Variants in USP32 observed in about 807,000 individuals in gnomAD.
USP32 encodes ubiquitin carboxyl-terminal hydrolase 32.
In USP32, 59 loss-of-function variants were observed where a neutral mutation model predicts 204.8. The observed-to-expected ratio is 0.29, with a 90% CI of 0.23 to 0.36. The LOEUF is 0.36. USP32 is among the 10% of genes least tolerant of loss of function. The pLI, the probability that USP32 is intolerant of heterozygous loss-of-function variation, is 1.00. For synonymous variants in USP32, 517 were observed against 678.4 expected (o/e 0.76, Z 3.70); for missense variants, 1,160 against 1,946.4 (o/e 0.60, Z 7.60).
chr17:60,208,526 T>C, intron 23 of USP32, 128 bp downstream of exon 23: 1 of 1,323,908 alleles, frequency 7.6e-7, no homozygotes, highest in East Asian at 2.9e-5. Context: ...TAAAATTAGG[T>C]TGCTCAATTA....
At chr17:60,417,958 CTTTT>C (rs770082982) in intron 1 of USP32, among the ~76,000 whole-genome samples, 1 of 112,750 alleles carries the variant, frequency 8.9e-6, no homozygotes. Flanking sequence ...TCCGGCTAAT[CTTTT>C]TTTTTTTTTT....
chr17:60,179,992 T>C (rs1197051008), intron 33 of USP32, among the ~76,000 whole-genome samples: 1 of 150,218 alleles, frequency 6.7e-6, no homozygotes, highest in Admixed American at 6.6e-5. Context: ...ATTCTAACAG[T>C]CTAGAAGATA....
chr17:60,307,249 A>G (rs1188118982), intron 2 of USP32, among the ~76,000 whole-genome samples: 1 of 151,912 alleles, frequency 6.6e-6, no homozygotes, highest in Non-Finnish European at 1.5e-5. Flanking sequence ...ACAGGCACGC[A>G]CCACAATACC....
chr17:60,377,370 G>T (rs1167311366), intron 1 of USP32, among the ~76,000 whole-genome samples: 1 of 152,056 alleles, frequency 6.6e-6, no homozygotes, highest in Non-Finnish European at 1.5e-5. Context: ...TACAAAAGCA[G>T]AAGATTTTAA....
chr17:60,287,511 A>G (rs2087146734), intron 5 of USP32, among the ~76,000 whole-genome samples: 1 of 152,160 alleles, frequency 6.6e-6, no homozygotes, highest in Admixed American at 6.5e-5. Context: ...TTAATGCCCT[A>G]TAAATGTCTT....
intron 5 of USP32, among the ~76,000 whole-genome samples, chr17:60,276,104 C>T (rs1038976197): frequency 1.1e-4 from 17 of 152,080 alleles, no homozygotes; most frequent in Middle Eastern, 3.4e-3. Flanking sequence ...AACGGCTGGG[C>T]GTGGTGGCTC....
At chr17:60,369,423 T>TAAAAA (rs11348474) in intron 1 of USP32, among the ~76,000 whole-genome samples, 1 of 85,118 alleles carries the variant, frequency 1.2e-5, no homozygotes, top group African/African-American at 3.7e-5. Context: ...GACCCCTACC[T>TAAAAA]AAAAAAAAAA....
intron 1 of USP32, among the ~76,000 whole-genome samples, chr17:60,373,404 ATT>A (rs1040295544): frequency 6.6e-6 from 1 of 150,444 alleles, no homozygotes; most frequent in Non-Finnish European, 1.5e-5. Flanking sequence ...AAATTTACTA[ATT>A]TTTTCTTCAA....
chr17:60,392,034 G>A lies in USP32; in HGVS notation c.-95C>T. 2.1e-6 allele frequency: 3 copies of A among 1,434,896 alleles called. No individual in the cohort carries two copies. The highest frequency in any genetic ancestry group is 2.5e-5 in the South Asian group (2 of 79,024). 88.9% of individuals were successfully genotyped at this position (1,434,896 alleles called of 1,614,324 possible). ...GGCGTCCCTGGGTGACGGTGACGGT[G>A]TCGGCGTCCCCCGCCCCCACCTCCC... On this transcript the variant is annotated 5_prime_UTR_variant, in exon 1 of 34. Coordinates refer to ENST00000300896, the MANE Select transcript of USP32 (RefSeq NM_032582.4).
chr17:60,349,597 ATATATAT>A (rs1160745655), intron 1 of USP32, among the ~76,000 whole-genome samples: 7 of 38,538 alleles, frequency 1.8e-4, no homozygotes, highest in Non-Finnish European at 2.7e-4. Context: ...AAAAAAAAAA[ATATATAT>A]ATATATATAT....
intron 2 of USP32, among the ~76,000 whole-genome samples, chr17:60,320,651 A>G (rs1277143181): frequency 6.6e-6 from 1 of 152,222 alleles, no homozygotes; most frequent in Non-Finnish European, 1.5e-5. Flanking sequence ...TCAACATTAT[A>G]ATGAAAAACA....
chr17:60,292,394 G>C (rs1291322532), intron 4 of USP32, among the ~76,000 whole-genome samples: 5 of 152,060 alleles, frequency 3.3e-5, no homozygotes, highest in Non-Finnish European at 7.4e-5. Flanking sequence ...AACTCCACTT[G>C]AGTGTCTAAT....
intron 11 of USP32, among the ~76,000 whole-genome samples, chr17:60,237,330 A>T (rs1225421354): frequency 3.4e-5 from 5 of 145,548 alleles, no homozygotes; most frequent in Non-Finnish European, 7.5e-5. Context: ...TTTTTTAACT[A>T]GAGACAAGGT....
intron 2 of USP32, among the ~76,000 whole-genome samples, chr17:60,308,916 A>T (rs1365217645): frequency 6.6e-6 from 1 of 152,212 alleles, no homozygotes; most frequent in Non-Finnish European, 1.5e-5. Context: ...TGACAGAGCA[A>T]GACTCTGTCT....
intron 3 of USP32, among the ~76,000 whole-genome samples, chr17:60,297,445 T>C: frequency 7.2e-6 from 1 of 139,508 alleles, no homozygotes; most frequent in Non-Finnish European, 1.5e-5. Flanking sequence ...GTTTTTCCTT[T>C]TCTTTTTTTT....
chr17:60,392,351 C>T (rs762948613), upstream of USP32: 10 of 276,942 alleles, frequency 3.6e-5, no homozygotes, highest in Non-Finnish European at 7.1e-5. Context: ...CGCGCAGGAG[C>T]GCCGGGGAGG....
At chr17:60,279,703 G>A (rs2086920879) in intron 5 of USP32, among the ~76,000 whole-genome samples, 1 of 151,338 alleles carries the variant, frequency 6.6e-6, no homozygotes, top group Non-Finnish European at 1.5e-5. Flanking sequence ...CAGGCCTGGT[G>A]GTGTGCGCCT....
intron 2 of USP32, among the ~76,000 whole-genome samples, chr17:60,333,607 AAAAT>A (rs564666435): frequency 3.3e-4 from 50 of 152,108 alleles, no homozygotes; most frequent in Non-Finnish European, 6.3e-4. Context: ...TCAAAAACAA[AAAAT>A]AAATAAATAA....
At chr17:60,204,030 A>G (rs1236719921) in intron 26 of USP32, among the ~76,000 whole-genome samples, 2 of 152,224 alleles carry the variant, frequency 1.3e-5, no homozygotes, top group African/African-American at 4.8e-5. Flanking sequence ...CTACCTCTTT[A>G]ACAATTATCC....
Sources: allele counts gnomAD v4.1 joint callset (sites outside exome capture counted in the v4.1 genomes callset), GRCh38; gene constraint gnomAD v4.1.1; transcripts MANE v1.5; gene names NCBI Gene and HGNC (gene_info 2026-07-23, HGNC 2026-07-21).